Variants in RELN observed in about 807,000 individuals in gnomAD.
The protein encoded by RELN is reelin.
RELN carries 108 observed loss-of-function variants against 427.6 expected under a neutral mutation model. The observed-to-expected ratio is 0.25, with a 90% CI of 0.22 to 0.30. The LOEUF (loss-of-function observed/expected upper bound fraction) is 0.30, where lower values mean the gene tolerates loss of function less well. Among genes scored for constraint, RELN ranks in the 10% least tolerant of loss-of-function variants. RELN has a pLI of 1.00. For missense variants in RELN, 3,715 were observed against 4,302.8 expected, an observed-to-expected ratio of 0.86 and a Z score of 3.82; for synonymous variants, 1,524 against 1,513.4, an observed-to-expected ratio of 1.01 and a Z score of -0.16.
intron 6 of RELN, among the ~76,000 whole-genome samples, chr7:103,740,649 G>T (rs1169136895): frequency 6.6e-6 from 1 of 152,072 alleles, no homozygotes; most frequent in Admixed American, 6.6e-5. Context: ...TAGTAAATGA[G>T]ATAAACTTGA....
In RELN at chr7:103,654,154, G is replaced by A; in HGVS notation, c.1493C>T (p.Ala498Val). 1.2e-6 allele frequency: 2 copies of A among 1,611,220 alleles called. No homozygotes were observed. The highest frequency in any genetic ancestry group is 1.1e-5 in the South Asian group (1 of 91,020). The change falls in exon 13 of 65, where the codon GCA becomes GTA. Residue 498 changes from alanine to valine, a missense_variant. Transcript: ENST00000428762. ...ATGCTCTTTTCTTCCTTCAATTTTTGCATACAGGATTATGTCATTTTCATG... is the reference window on the plus strand; with the variant it reads ...ATGCTCTTTTCTTCCTTCAATTTTTACATACAGGATTATGTCATTTTCATG... ...NSHENDIILYAKIEGRKEHIT... is the reference protein window; with the variant it reads ...NSHENDIILYVKIEGRKEHIT...
At chr7:103,700,483 T>C (rs1334958187) in intron 9 of RELN, among the ~76,000 whole-genome samples, 1 of 152,104 alleles carries the variant, frequency 6.6e-6, no homozygotes, top group African/African-American at 2.4e-5. Context: ...GAACTGGAGA[T>C]TAGATGTAAA....
intron 25 of RELN, among the ~76,000 whole-genome samples, chr7:103,595,863 G>A (rs1350421531): frequency 6.6e-6 from 1 of 152,018 alleles, no homozygotes; most frequent in Non-Finnish European, 1.5e-5. Flanking sequence ...TACATTGCCT[G>A]GTACTGGTAT....
rs10271688 is a variant in RELN at position 103,484,036 on chromosome 7, C to T, written c.9984-186G>A. Among the ~76,000 whole-genome samples the T allele has an allele frequency of 0.011, 1,639 of 152,052 alleles. 26 individuals are homozygous for T. Among genetic ancestry groups the T allele is most frequent in the African/African-American group, 0.038 (1,561 of 41,446 alleles). The stretch of plus-strand genomic sequence containing the variant: ...CTGGCATAACAGGTGTGCGCCACCA[C>T]GCCTGGCTAATTTTTGTATTTTTAG... On this transcript the variant is annotated intron_variant, in intron 61 of 64. Transcript: ENST00000428762.
intron 1 of RELN, among the ~76,000 whole-genome samples, chr7:103,983,408 A>T (rs1368336729): frequency 1.3e-5 from 2 of 152,228 alleles, no homozygotes; most frequent in South Asian, 2.1e-4. Flanking sequence ...TGAGCCACAT[A>T]ACTGACACCA....
intron 6 of RELN, among the ~76,000 whole-genome samples, chr7:103,733,885 A>G (rs926129153): frequency 2.6e-5 from 4 of 151,920 alleles, no homozygotes; most frequent in African/African-American, 9.7e-5. Flanking sequence ...GCACATGTAT[A>G]CGTATGTAAC....
rs1002448948 is a variant in RELN at position 103,653,982 on chromosome 7, G to C, written c.1554+111C>G. On this transcript the variant is annotated intron_variant, in intron 13 of 64. Coordinates refer to ENST00000428762, the MANE Select transcript of RELN (RefSeq NM_005045.4). ...AAAGAAACCTGGCGACCTCTGGCCT[G>C]TCAGAACAGGGATGTATCTTCTGCA... The C allele has an allele frequency of 5.3e-6, 4 of 750,716 alleles. No homozygotes were observed. The Admixed American group carries it at 5.5e-5, about 10-fold the overall frequency. 46.5% of individuals were successfully genotyped at this position (750,716 alleles called of 1,614,324 possible).
At chr7:103,774,314 AAT>A (rs1475257856) in intron 4 of RELN, among the ~76,000 whole-genome samples, 1 of 148,594 alleles carries the variant, frequency 6.7e-6, no homozygotes, top group Non-Finnish European at 1.5e-5. Flanking sequence ...AAAAAAAAAA[AAT>A]ACTTTCAATG....
intron 2 of RELN, among the ~76,000 whole-genome samples, chr7:103,909,266 T>C (rs1795285115): frequency 6.6e-6 from 1 of 152,062 alleles, no homozygotes; most frequent in Non-Finnish European, 1.5e-5. Context: ...ATTAGCAAGT[T>C]TGTAATAGGT....
intron 6 of RELN, among the ~76,000 whole-genome samples, chr7:103,731,659 T>C (rs1790358293): frequency 6.6e-6 from 1 of 151,976 alleles, no homozygotes; most frequent in Non-Finnish European, 1.5e-5. Flanking sequence ...CTATAGCAAA[T>C]TATGGGCTGG....
intron 2 of RELN, among the ~76,000 whole-genome samples, chr7:103,886,384 C>T (rs910775956): frequency 1.3e-5 from 2 of 152,060 alleles, no homozygotes; most frequent in Admixed American, 6.6e-5. Context: ...TATTCTTCAT[C>T]GTGGGAAGTT....
chr7:103,858,006 C>T (rs66607347), intron 2 of RELN, among the ~76,000 whole-genome samples: 21,506 of 150,970 alleles, frequency 0.14, 1,802 homozygotes, highest in East Asian at 0.34. Context: ...TCAATGGTTT[C>T]TTTTTTTTTG....
At chr7:103,473,444 G>A (rs1827925451) in intron 64 of RELN, among the ~76,000 whole-genome samples, 1 of 152,176 alleles carries the variant, frequency 6.6e-6, no homozygotes, top group South Asian at 2.1e-4. Flanking sequence ...AAGGAGGTCA[G>A]TTTTTCTCAG....
intron 2 of RELN, among the ~76,000 whole-genome samples, chr7:103,883,125 G>A (rs1794645288): frequency 6.6e-6 from 1 of 152,154 alleles, no homozygotes; most frequent in Non-Finnish European, 1.5e-5. Flanking sequence ...CGCAGGGCTG[G>A]TTCAACATAT....
At chr7:103,788,830 A>G (rs1366352726) in intron 3 of RELN, among the ~76,000 whole-genome samples, 2 of 152,210 alleles carry the variant, frequency 1.3e-5, no homozygotes, top group African/African-American at 4.8e-5. Context: ...TTAGAAGAAA[A>G]AACTACTTTA....
chr7:103,882,418 A>G (rs1320855941), intron 2 of RELN, among the ~76,000 whole-genome samples: 1 of 152,198 alleles, frequency 6.6e-6, no homozygotes, highest in Non-Finnish European at 1.5e-5. Flanking sequence ...CTCCCTATCA[A>G]TATATCCAGG....
intron 37 of RELN, 117 bp downstream of exon 37, chr7:103,557,848 T>G: frequency 1.5e-6 from 1 of 653,728 alleles, no homozygotes. Flanking sequence ...GTATACTAAT[T>G]TATGTTAGCC....
chr7:103,514,821 A>C (rs928498689), intron 50 of RELN, among the ~76,000 whole-genome samples: 1 of 152,184 alleles, frequency 6.6e-6, no homozygotes, highest in Non-Finnish European at 1.5e-5. Context: ...ATTTGTCTTC[A>C]GATACTAAAA....
chr7:103,792,613 G>C (rs1330903624), intron 3 of RELN, among the ~76,000 whole-genome samples: 2 of 151,676 alleles, frequency 1.3e-5, no homozygotes, highest in Non-Finnish European at 2.9e-5. Flanking sequence ...ATGGGTGCAG[G>C]GTGTCTTTTA....
Sources: allele counts gnomAD v4.1 joint callset (sites outside exome capture counted in the v4.1 genomes callset), GRCh38; gene constraint gnomAD v4.1.1; transcripts MANE v1.5; gene names NCBI Gene and HGNC (gene_info 2026-07-23, HGNC 2026-07-21).